MRPS9: variants seen among roughly 807,000 people sequenced by gnomAD.
MRPS9 encodes small ribosomal subunit protein uS9m.
MRPS9 carries 45 observed loss-of-function variants against 59.9 expected under a neutral mutation model. The ratio of observed to expected loss-of-function variants is 0.75; its 90% CI spans 0.59 to 0.96. The LOEUF (loss-of-function observed/expected upper bound fraction) is 0.96, where lower values mean the gene tolerates loss of function less well. MRPS9 is among the 40% of genes least tolerant of loss of function. The probability of loss-of-function intolerance (pLI) is 0.00; values close to 1 mark genes in which losing one functional copy is unlikely to be tolerated. For synonymous variants in MRPS9, 171 were observed against 166.8 expected, an observed-to-expected ratio of 1.03 and a Z score of -0.19; for missense variants, 473 against 481.1, an observed-to-expected ratio of 0.98 and a Z score of 0.16.
chr2:105,052,096 T>TA (rs141879012), intron 2 of MRPS9, among the ~76,000 whole-genome samples: 33,568 of 152,188 alleles, frequency 0.22, 3,770 homozygotes, highest in Middle Eastern at 0.35. Context: ...TCATTTTTCC[T>TA]ATTTGGATAC....
At chr2:105,066,363 C>T (rs1014696582) in intron 2 of MRPS9, among the ~76,000 whole-genome samples, 3 of 152,184 alleles carry the variant, frequency 2.0e-5, no homozygotes, top group Admixed American at 6.5e-5. Flanking sequence ...TTTTCTGATA[C>T]TTTCAGAAGA....
In MRPS9 at chr2:105,061,653, T is replaced by G. The variant is rs141334163; in HGVS notation, c.316-9660T>G. Among the ~76,000 whole-genome samples, 512 of 152,184 alleles carry G rather than the reference T, an allele frequency of 3.4e-3. 5 individuals carry two copies. The highest frequency in any genetic ancestry group is 8.3e-3 in the South Asian group (40 of 4,816). On this transcript the variant is annotated intron_variant, in intron 2 of 10. Coordinates refer to ENST00000258455, the MANE Select transcript of MRPS9 (RefSeq NM_182640.3). ...CCCATTCCTCCCCACCATCCCTGCT[T>G]TTATAATGGTGATGGGGAAGAGTTA...
In MRPS9 at chr2:105,093,601, A is replaced by T; in HGVS notation, c.892A>T (p.Ile298Phe). The T allele has an allele frequency of 6.2e-7, 1 of 1,607,024 alleles. No individual in the cohort carries two copies. The highest frequency in any genetic ancestry group is 2.2e-5 in the East Asian group (1 of 44,608). Residue 298 changes from isoleucine (I) to phenylalanine (F), a missense_variant, in exon 9 of 11, where the codon ATT becomes TTT. Ile to Phe is a conservative substitution (Grantham distance 21, BLOSUM62 0). Coordinates refer to ENST00000258455, the MANE Select transcript of MRPS9 (RefSeq NM_182640.3). ...AAGTGGAAGAATAAAAGTAAATGGA[A>T]TTGATTACCAGCTTTACTTCCCGAT... ...HGSGRIKVNGIDYQLYFPITQ... is the reference protein window; with the variant it reads ...HGSGRIKVNGFDYQLYFPITQ...
intron 1 of MRPS9, among the ~76,000 whole-genome samples, chr2:105,041,650 G>A (rs551424779): frequency 6.6e-6 from 1 of 151,980 alleles, no homozygotes; most frequent in African/African-American, 2.4e-5. Flanking sequence ...GCTAAAAAAC[G>A]CTTTGAAAAA....
chr2:105,047,128 C>T (rs1047385722), intron 1 of MRPS9, among the ~76,000 whole-genome samples: 14 of 151,930 alleles, frequency 9.2e-5, no homozygotes, highest in African/African-American at 3.1e-4. Context: ...AAAGAGCGGA[C>T]CATGCATTAG....
intron 2 of MRPS9, among the ~76,000 whole-genome samples, chr2:105,067,325 G>A (rs1457229413): frequency 6.6e-6 from 1 of 152,100 alleles, no homozygotes; most frequent in African/African-American, 2.4e-5. Flanking sequence ...CTGGCTTTCT[G>A]CTTGCTTTCT....
intron 5 of MRPS9, among the ~76,000 whole-genome samples, chr2:105,080,983 G>T (rs1680322360): frequency 6.6e-6 from 1 of 152,130 alleles, no homozygotes; most frequent in Non-Finnish European, 1.5e-5. Flanking sequence ...TGGCAGAAAT[G>T]AAATGAATGA....
chr2:105,048,826 T>C (rs1679656629), intron 1 of MRPS9, among the ~76,000 whole-genome samples: 1 of 151,972 alleles, frequency 6.6e-6, no homozygotes, highest in Non-Finnish European at 1.5e-5. Flanking sequence ...TTTTGCTCTT[T>C]ATCCCATGTG....
intron 7 of MRPS9, 91 bp downstream of exon 7, chr2:105,090,086 A>C: frequency 3.2e-6 from 2 of 617,448 alleles, no homozygotes; most frequent in South Asian, 6.3e-5. Flanking sequence ...AATGTTCCTC[A>C]GAGGCAGGTG....
At chr2:105,058,943 G>A (rs6736085) in intron 2 of MRPS9, among the ~76,000 whole-genome samples, 33,532 of 151,930 alleles carry the variant, frequency 0.22, 3,765 homozygotes, top group Middle Eastern at 0.35. Flanking sequence ...CTCCCAAAGT[G>A]CTGGGATTAC....
chr2:105,044,542 C>G (rs1679560780), intron 1 of MRPS9, among the ~76,000 whole-genome samples: 2 of 152,144 alleles, frequency 1.3e-5, no homozygotes, highest in African/African-American at 4.8e-5. Context: ...ATCCTAAGGA[C>G]TTTTTATGAA....
intron 5 of MRPS9, among the ~76,000 whole-genome samples, chr2:105,080,911 GAA>G (rs561755308): frequency 7.2e-6 from 1 of 139,652 alleles, no homozygotes; most frequent in African/African-American, 2.6e-5. Context: ...TTTCTTGGGG[GAA>G]AAAAAAAAAC....
chr2:105,091,337 A>C (rs1463679745), intron 7 of MRPS9: 1 of 471,070 alleles, frequency 2.1e-6, no homozygotes, highest in African/African-American at 2.0e-5. Context: ...GAAGTCATTG[A>C]GAGTCTGTGA....
intron 1 of MRPS9, among the ~76,000 whole-genome samples, chr2:105,045,259 T>G (rs1014387170): frequency 2.0e-5 from 3 of 151,620 alleles, no homozygotes; most frequent in African/African-American, 7.3e-5. Context: ...GAGACACATG[T>G]ATTGTCACTG....
chr2:105,077,257 G>GAAAAA (rs1558758942), intron 4 of MRPS9, among the ~76,000 whole-genome samples: 2 of 140,558 alleles, frequency 1.4e-5, no homozygotes, highest in African/African-American at 2.6e-5. Context: ...AAAAAAAAAA[G>GAAAAA]AAGAAGAAAA....
intron 7 of MRPS9, among the ~76,000 whole-genome samples, chr2:105,090,601 T>C (rs947224202): frequency 4.6e-5 from 7 of 152,366 alleles, no homozygotes; most frequent in Admixed American, 4.6e-4. Flanking sequence ...GCGAATCTTA[T>C]ACCCTATAAA....
intron 2 of MRPS9, among the ~76,000 whole-genome samples, chr2:105,061,952 GT>G (rs1679914617): frequency 6.6e-6 from 1 of 152,106 alleles, no homozygotes; most frequent in African/African-American, 2.4e-5. Flanking sequence ...ATATTTATAT[GT>G]TTTTCTTTCT....
chr2:105,088,632 G>A (rs1017125060), intron 5 of MRPS9, among the ~76,000 whole-genome samples: 3 of 151,798 alleles, frequency 2.0e-5, no homozygotes, highest in African/African-American at 7.3e-5. Context: ...TATAAATTAC[G>A]ATTTTTTCTG....
intron 5 of MRPS9, among the ~76,000 whole-genome samples, chr2:105,086,465 A>C (rs1680447478): frequency 6.6e-6 from 1 of 152,220 alleles, no homozygotes; most frequent in African/African-American, 2.4e-5. Context: ...GAGAGTAAAA[A>C]TTGCTCAAAA....
Sources: allele counts gnomAD v4.1 joint callset (sites outside exome capture counted in the v4.1 genomes callset), GRCh38; gene constraint gnomAD v4.1.1; transcripts MANE v1.5; gene names NCBI Gene and HGNC (gene_info 2026-07-23, HGNC 2026-07-21).